The following CNTN3 variants were observed in gnomAD, a reference collection of about 807,000 sequenced individuals.
CNTN3 encodes contactin 3, also known as contactin-3.
In CNTN3, 60 loss-of-function variants were observed where a neutral mutation model predicts 119.1. The ratio of observed to expected loss-of-function variants is 0.50; its 90% CI spans 0.41 to 0.62. The LOEUF is 0.62. Ranked by LOEUF, CNTN3 falls within the 20% of genes least tolerant of loss-of-function variation. The probability of loss-of-function intolerance (pLI) is 0.00; values close to 1 mark genes in which losing one functional copy is unlikely to be tolerated. For missense variants in CNTN3, 1,101 were observed against 1,242.4 expected (o/e 0.89, Z 1.71); for synonymous variants, 450 against 438.7 (o/e 1.03, Z -0.32).
intron 20 of CNTN3, among the ~76,000 whole-genome samples, chr3:74,272,166 G>A (rs1381882385): frequency 6.6e-6 from 1 of 152,112 alleles, no homozygotes; most frequent in African/African-American, 2.4e-5. Flanking sequence ...ATGCACTAAC[G>A]ATAGCTGATG....
chr3:74,433,139 C>A (rs1469468382), intron 4 of CNTN3, among the ~76,000 whole-genome samples: 1 of 152,104 alleles, frequency 6.6e-6, no homozygotes, highest in Non-Finnish European at 1.5e-5. Flanking sequence ...GAACCTCTGA[C>A]AACCATACAA....
intron 1 of CNTN3, among the ~76,000 whole-genome samples, chr3:74,579,508 G>A (rs936234386): frequency 1.3e-5 from 2 of 152,022 alleles, no homozygotes; most frequent in Non-Finnish European, 2.9e-5. Context: ...CACCAAGACA[G>A]ATCATGTTTT....
intron 13 of CNTN3, among the ~76,000 whole-genome samples, chr3:74,304,177 A>C (rs1702514294): frequency 1.3e-5 from 2 of 152,170 alleles, no homozygotes. Flanking sequence ...TTTTACATGA[A>C]ATTTGTGAGA....
chr3:74,286,028 T>C (rs554658559), intron 19 of CNTN3, among the ~76,000 whole-genome samples: 2 of 151,976 alleles, frequency 1.3e-5, no homozygotes, highest in East Asian at 3.9e-4. Context: ...TGGATTTAAA[T>C]AGTCAAAGTA....
intron 1 of CNTN3, among the ~76,000 whole-genome samples, chr3:74,600,983 G>C (rs562175350): frequency 1.1e-4 from 16 of 151,608 alleles, no homozygotes; most frequent in African/African-American, 3.9e-4. Context: ...TATTAGGTTA[G>C]TGTTGTTGTC....
intron 5 of CNTN3, among the ~76,000 whole-genome samples, chr3:74,418,214 G>T (rs1701556472): frequency 6.6e-6 from 1 of 152,050 alleles, no homozygotes; most frequent in African/African-American, 2.4e-5. Context: ...CCCCTAAAGA[G>T]ACAAAGTATT....
chr3:74,399,472 T>G (rs1705136644), intron 5 of CNTN3, among the ~76,000 whole-genome samples: 1 of 152,162 alleles, frequency 6.6e-6, no homozygotes, highest in Non-Finnish European at 1.5e-5. Flanking sequence ...AATGACATGA[T>G]CTCATGTTTT....
At chr3:74,414,932 T>C (rs1199877107) in intron 5 of CNTN3, among the ~76,000 whole-genome samples, 1 of 151,638 alleles carries the variant, frequency 6.6e-6, no homozygotes, top group African/African-American at 2.4e-5. Flanking sequence ...TTTCTGTTTC[T>C]TTTTGGGATA....
intron 1 of CNTN3, among the ~76,000 whole-genome samples, chr3:74,579,235 C>G (rs1704464713): frequency 6.6e-6 from 1 of 151,794 alleles, no homozygotes; most frequent in Non-Finnish European, 1.5e-5. Context: ...CACCTAACAA[C>G]AATGCTTCAA....
chr3:74,565,880 G>A (rs563339947), intron 1 of CNTN3, among the ~76,000 whole-genome samples: 6 of 152,134 alleles, frequency 3.9e-5, no homozygotes, highest in African/African-American at 1.4e-4. Context: ...CATGTCATGG[G>A]AGGGACTGGT....
intron 11 of CNTN3, among the ~76,000 whole-genome samples, chr3:74,354,727 A>G (rs1331783594): frequency 1.3e-5 from 2 of 152,138 alleles, no homozygotes; most frequent in Non-Finnish European, 2.9e-5. Flanking sequence ...CAAACAAAAA[A>G]AGCCAAAATA....
intron 3 of CNTN3, among the ~76,000 whole-genome samples, chr3:74,490,455 T>G (rs1033060422): frequency 5.9e-5 from 9 of 152,188 alleles, no homozygotes; most frequent in Middle Eastern, 3.2e-3. Flanking sequence ...AAAATTGTGT[T>G]TTTCTGTTTA....
intron 1 of CNTN3, among the ~76,000 whole-genome samples, chr3:74,546,233 GA>G (rs1559652682): frequency 6.6e-6 from 1 of 152,120 alleles, no homozygotes; most frequent in Non-Finnish European, 1.5e-5. Flanking sequence ...TTGACCTCAT[GA>G]TCAGCACGCC....
intron 1 of CNTN3, among the ~76,000 whole-genome samples, chr3:74,594,291 ACT>A (rs1704756687): frequency 2.3e-5 from 2 of 86,320 alleles, no homozygotes; most frequent in African/African-American, 9.7e-5. Context: ...TTTTTTTTTT[ACT>A]TTTTTTTTAA....
chr3:74,413,676 G>A (rs2106874914), intron 5 of CNTN3, among the ~76,000 whole-genome samples: 1 of 152,324 alleles, frequency 6.6e-6, no homozygotes, highest in South Asian at 2.1e-4. Context: ...CTGCAGACCT[G>A]TGGGAATAGG....
chr3:74,555,261 G>A (rs1259915590), intron 1 of CNTN3, among the ~76,000 whole-genome samples: 2 of 152,204 alleles, frequency 1.3e-5, no homozygotes, highest in East Asian at 3.8e-4. Flanking sequence ...CAGGTAGGAA[G>A]TCGACTTGAT....
rs1704146996 is a variant in CNTN3 at position 74,364,588 on chromosome 3, T to C, written c.1092A>G (p.Thr364=). ...TTGTAAGGGCACCATTTTCTATCTGTGTTCTCTCCTAGATGATAATAAAAA... is the reference window on the plus strand; with the variant it reads ...TTGTAAGGGCACCATTTTCTATCTGCGTTCTCTCCTAGATGATAATAAAAA... The part of the protein sequence containing the change: ...NGAALVLEER[T]QIENGALTIS... Residue 364 remains threonine, a synonymous_variant, in exon 10 of 23, where the codon ACA becomes ACG. Coordinates refer to ENST00000263665, the MANE Select transcript of CNTN3 (RefSeq NM_020872.3). 1 of 1,605,252 alleles carries C rather than the reference T, an allele frequency of 6.2e-7. No homozygotes were observed.
chr3:74,365,719 G>T lies in CNTN3; in HGVS notation c.947-17C>A. ...GGGGCTTTGCTTCAATGAAAGAAAAGGAAAAAGAAAAGAAATTTAAACCAC... is the reference window on the plus strand; with the variant it reads ...GGGGCTTTGCTTCAATGAAAGAAAATGAAAAAGAAAAGAAATTTAAACCAC... On this transcript the variant is annotated splice_polypyrimidine_tract_variant and intron_variant, in intron 8 of 22. Transcript: ENST00000263665. The T allele has an allele frequency of 6.3e-7, 1 of 1,583,252 alleles. No homozygotes were observed. The highest frequency in any genetic ancestry group is 8.6e-7 in the Non-Finnish European group (1 of 1,165,472).
At position 74,308,266 on chromosome 3, in the gene CNTN3, A is replaced by G. The variant is rs79779408; in HGVS notation, c.1669-5459T>C. Among the ~76,000 whole-genome samples the G allele has an allele frequency of 3.0e-3, 455 of 152,334 alleles. 1 individual carries two copies. Among genetic ancestry groups the G allele is most frequent in the Non-Finnish European group, 4.6e-3 (316 of 68,034 alleles). On this transcript the variant is annotated intron_variant, in intron 13 of 22. Transcript: ENST00000263665. The stretch of plus-strand genomic sequence containing the variant: ...AGAATTGGCAGTCACTGAAACATGA[A>G]AACAGGCCCTAACATTGTAAACAGT...
Sources: gnomAD v4.1 joint callset for allele counts (sites outside exome capture counted in the v4.1 genomes callset) on GRCh38, gnomAD v4.1.1 for gene constraint, MANE v1.5 for transcripts, NCBI Gene and HGNC (gene_info 2026-07-23, HGNC 2026-07-21) for gene names.